AK5: variants seen among roughly 807,000 people sequenced by gnomAD.
The protein encoded by AK5 is adenylate kinase isoenzyme 5.
A neutral mutation model predicts 69.5 loss-of-function variants in AK5; 27 were observed. That is an observed-to-expected ratio of 0.39 (90% CI 0.29 to 0.54). The LOEUF (loss-of-function observed/expected upper bound fraction) is 0.54. AK5 is among the 20% of genes least tolerant of loss of function. The pLI, the probability that AK5 is intolerant of heterozygous loss-of-function variation, is 0.71. For synonymous variants in AK5, 260 were observed against 244.4 expected (o/e 1.06, Z -0.60); for missense variants, 531 against 700.4 (o/e 0.76, Z 2.73).
chr1:77,499,182 T>G (rs1656544144), intron 10 of AK5, among the ~76,000 whole-genome samples: 1 of 152,220 alleles, frequency 6.6e-6, no homozygotes, highest in Non-Finnish European at 1.5e-5. Flanking sequence ...AGTATTTCCT[T>G]TCCAACTTGC....
chr1:77,453,065 T>C (rs984988786), intron 8 of AK5, among the ~76,000 whole-genome samples: 7 of 152,202 alleles, frequency 4.6e-5, no homozygotes, highest in Admixed American at 6.5e-5. Flanking sequence ...AAATAAAACA[T>C]TGCAAATAAC....
intron 8 of AK5, among the ~76,000 whole-genome samples, chr1:77,469,908 G>C (rs1042040068): frequency 3.9e-5 from 6 of 152,356 alleles, no homozygotes; most frequent in African/African-American, 1.4e-4. Context: ...GATCTACAAA[G>C]TGACACTGTA....
At chr1:77,380,001 T>A (rs1402894377) in intron 6 of AK5, among the ~76,000 whole-genome samples, 1 of 152,218 alleles carries the variant, frequency 6.6e-6, no homozygotes, top group Non-Finnish European at 1.5e-5. Flanking sequence ...GAACTCATAA[T>A]TATTAATGAT....
chr1:77,382,377 G>T (rs569847618), intron 6 of AK5, among the ~76,000 whole-genome samples: 12 of 152,030 alleles, frequency 7.9e-5, no homozygotes, highest in Non-Finnish European at 4.4e-5. Flanking sequence ...TAGAGACAGG[G>T]TCTCACTCTG....
chr1:77,429,521 G>A, intron 8 of AK5, among the ~76,000 whole-genome samples: 1 of 152,184 alleles, frequency 6.6e-6, no homozygotes, highest in East Asian at 1.9e-4. Context: ...GCAAAAGATG[G>A]CACAGTTCCT....
At chr1:77,408,384 T>A (rs1329343553) in intron 6 of AK5, among the ~76,000 whole-genome samples, 1 of 152,328 alleles carries the variant, frequency 6.6e-6, no homozygotes, top group South Asian at 2.1e-4. Flanking sequence ...TGATGATTAA[T>A]GATGTTGAGC....
At chr1:77,368,369 C>T (rs926105025) in intron 6 of AK5, among the ~76,000 whole-genome samples, 1 of 136,190 alleles carries the variant, frequency 7.3e-6, no homozygotes, top group Non-Finnish European at 1.6e-5. Context: ...TATATATACA[C>T]ACACACACAC....
chr1:77,509,359 A>T (rs1657200906), intron 10 of AK5, among the ~76,000 whole-genome samples: 2 of 152,188 alleles, frequency 1.3e-5, no homozygotes, highest in Admixed American at 1.3e-4. Context: ...GAGGATAAAG[A>T]TCTATTTATC....
At chr1:77,543,781 G>A (rs1025107178) in intron 13 of AK5, among the ~76,000 whole-genome samples, 1 of 152,202 alleles carries the variant, frequency 6.6e-6, no homozygotes, top group Non-Finnish European at 1.5e-5. Flanking sequence ...CTGGGAAGCT[G>A]TATTGGGATG....
chr1:77,339,161 G>A (rs1219197023), intron 5 of AK5, among the ~76,000 whole-genome samples: 1 of 152,210 alleles, frequency 6.6e-6, no homozygotes, highest in East Asian at 1.9e-4. Flanking sequence ...AGTAATACAT[G>A]CATATCATAT....
At chr1:77,298,233 T>G (rs1319068955) in intron 5 of AK5, among the ~76,000 whole-genome samples, 1 of 152,210 alleles carries the variant, frequency 6.6e-6, no homozygotes, top group Non-Finnish European at 1.5e-5. Flanking sequence ...TACAATTTTT[T>G]TTTATTTTGA....
At chr1:77,411,941 T>C (rs775191994) in intron 7 of AK5, among the ~76,000 whole-genome samples, 13 of 152,196 alleles carry the variant, frequency 8.5e-5, no homozygotes, top group Non-Finnish European at 1.9e-4. Flanking sequence ...TGATGAGATT[T>C]ATAAAAAGTT....
intron 12 of AK5, among the ~76,000 whole-genome samples, chr1:77,530,826 A>C (rs1658533141): frequency 6.6e-6 from 1 of 152,060 alleles, no homozygotes; most frequent in African/African-American, 2.4e-5. Flanking sequence ...ACGTGGCCTA[A>C]CCCCCATTCT....
At chr1:77,324,761 G>A (rs1355161866) in intron 5 of AK5, among the ~76,000 whole-genome samples, 4 of 151,972 alleles carry the variant, frequency 2.6e-5, no homozygotes, top group East Asian at 1.9e-4. Context: ...GGCATGAGGC[G>A]AGATGGGGAA....
intron 12 of AK5, 144 bp downstream of exon 12, chr1:77,522,087 A>G (rs1297724546): frequency 3.1e-6 from 2 of 642,844 alleles, no homozygotes; most frequent in Admixed American, 3.4e-5. Flanking sequence ...AGAAATTTAA[A>G]AAAAGGAGAT....
chr1:77,522,008 A>C, intron 12 of AK5, 65 bp downstream of exon 12: 1 of 1,237,898 alleles, frequency 8.1e-7, no homozygotes, highest in African/African-American at 1.5e-5. Context: ...GTTGGGTGAT[A>C]ATTCAAAGTC....
intron 13 of AK5, among the ~76,000 whole-genome samples, chr1:77,541,931 T>A (rs1659298922): frequency 6.6e-6 from 1 of 152,206 alleles, no homozygotes; most frequent in Non-Finnish European, 1.5e-5. Flanking sequence ...CACAGGGGGC[T>A]TTTTTATTTT....
At chr1:77,504,958 T>A (rs914262798) in intron 10 of AK5, among the ~76,000 whole-genome samples, 11 of 152,244 alleles carry the variant, frequency 7.2e-5, no homozygotes, top group Non-Finnish European at 1.3e-4. Flanking sequence ...TTATTAAAAA[T>A]TCTGTAATGA....
intron 5 of AK5, among the ~76,000 whole-genome samples, chr1:77,308,124 TG>T (rs1360606138): frequency 6.6e-6 from 1 of 152,128 alleles, no homozygotes; most frequent in East Asian, 1.9e-4. Flanking sequence ...TGGTCAGTCA[TG>T]GGTCTCTACA....
Sources: allele counts gnomAD v4.1 joint callset (sites outside exome capture counted in the v4.1 genomes callset), GRCh38; gene constraint gnomAD v4.1.1; transcripts MANE v1.5; gene names NCBI Gene and HGNC (gene_info 2026-07-23, HGNC 2026-07-21).